MAGI2: variants seen among roughly 807,000 people sequenced by gnomAD.
MAGI2 encodes membrane associated guanylate kinase, WW and PDZ domain containing 2.
In MAGI2, 35 loss-of-function variants were observed where a neutral mutation model predicts 133.3. The observed-to-expected ratio is 0.26, with a 90% CI of 0.20 to 0.35. MAGI2 has a LOEUF of 0.35. Among genes scored for constraint, MAGI2 ranks in the 10% least tolerant of loss-of-function variants. The pLI is 1.00. For synonymous variants in MAGI2, 729 were observed against 710.6 expected (o/e 1.03, Z -0.41); for missense variants, 1,636 against 1,863.4 (o/e 0.88, Z 2.25).
At chr7:78,537,170 TAC>T (rs3086437) in intron 3 of MAGI2, among the ~76,000 whole-genome samples, 21,154 of 146,098 alleles carry the variant, frequency 0.14, 1,609 homozygotes, top group South Asian at 0.23. Context: ...AGTATTCCAC[TAC>T]ACACACACAC....
chr7:78,470,908 A>T (rs1000419743), intron 6 of MAGI2, among the ~76,000 whole-genome samples: 1 of 152,162 alleles, frequency 6.6e-6, no homozygotes, highest in Non-Finnish European at 1.5e-5. Context: ...GGATATGTGA[A>T]ATTAACATAA....
intron 21 of MAGI2, among the ~76,000 whole-genome samples, chr7:78,036,197 T>C (rs1222352114): frequency 2.0e-5 from 3 of 152,154 alleles, no homozygotes; most frequent in Non-Finnish European, 4.4e-5. Context: ...TAGGAAAGAA[T>C]TGAAATCTAG....
chr7:78,572,584 C>G (rs1801614174), intron 3 of MAGI2, among the ~76,000 whole-genome samples: 1 of 152,104 alleles, frequency 6.6e-6, no homozygotes, highest in Non-Finnish European at 1.5e-5. Context: ...ATTCCCTTAC[C>G]TACCCCCCAG....
At chr7:79,063,944 G>C (rs1310218566) in intron 1 of MAGI2, among the ~76,000 whole-genome samples, 1 of 152,018 alleles carries the variant, frequency 6.6e-6, no homozygotes, top group Non-Finnish European at 1.5e-5. Flanking sequence ...CTTAATTTTT[G>C]AATTGAGTTC....
chr7:78,952,549 C>A (rs1196536719), intron 2 of MAGI2, among the ~76,000 whole-genome samples: 1 of 152,080 alleles, frequency 6.6e-6, no homozygotes, highest in Non-Finnish European at 1.5e-5. Context: ...AACAAATGTT[C>A]CTATTTTCTT....
rs139735190 is a variant in MAGI2, at chr7:78,792,868, A to T, written c.419-165629T>A. Among the ~76,000 whole-genome samples, 11 of 152,352 alleles carry T rather than the reference A, an allele frequency of 7.2e-5. No individual in the cohort carries two copies. The East Asian group carries it at 2.1e-3, about 29-fold the overall frequency. On this transcript the variant is annotated intron_variant, in intron 2 of 21. Coordinates refer to ENST00000354212, the MANE Select transcript of MAGI2 (RefSeq NM_012301.4). ...TCTCGGCATGCAGTGTGCTGTTTAC[A>T]TTCTTACTAAGAAAATGTGCCTGAG...
chr7:78,503,408 T>TC (rs1365936748), intron 4 of MAGI2, among the ~76,000 whole-genome samples: 1 of 151,948 alleles, frequency 6.6e-6, no homozygotes, highest in East Asian at 1.9e-4. Flanking sequence ...TGAATTGTAA[T>TC]CCCCACATGT....
chr7:78,382,192 G>GT (rs60985733), intron 6 of MAGI2, among the ~76,000 whole-genome samples: 2 of 151,666 alleles, frequency 1.3e-5, no homozygotes, highest in East Asian at 1.9e-4. Context: ...TCAAATGTTC[G>GT]TTTTTTTTAA....
intron 6 of MAGI2, among the ~76,000 whole-genome samples, chr7:78,379,800 C>CA (rs1257525852): frequency 6.6e-6 from 1 of 151,810 alleles, no homozygotes; most frequent in South Asian, 2.1e-4. Context: ...TGTTAGATTA[C>CA]AAAAAATTCT....
intron 6 of MAGI2, among the ~76,000 whole-genome samples, chr7:78,483,146 T>G (rs1020380824): frequency 1.3e-5 from 2 of 151,826 alleles, no homozygotes; most frequent in Non-Finnish European, 2.9e-5. Context: ...GTCTAAAACC[T>G]TCCTGTAAAT....
chr7:78,756,151 A>T (rs992192058), intron 2 of MAGI2, among the ~76,000 whole-genome samples: 4 of 152,124 alleles, frequency 2.6e-5, no homozygotes, highest in African/African-American at 9.7e-5. Flanking sequence ...ATAATGGAGG[A>T]TGTGAGAAGC....
chr7:78,167,187 T>G (rs751467998), intron 15 of MAGI2, among the ~76,000 whole-genome samples: 7 of 152,142 alleles, frequency 4.6e-5, no homozygotes, highest in Non-Finnish European at 1.0e-4. Context: ...TGTTATTGAA[T>G]GCTCAGATTC....
intron 6 of MAGI2, among the ~76,000 whole-genome samples, chr7:78,403,269 C>T (rs1463432463): frequency 2.0e-5 from 3 of 151,952 alleles, no homozygotes; most frequent in East Asian, 1.9e-4. Context: ...TCTGTCCTTG[C>T]GATACTTTGC....
chr7:79,094,786 T>C (rs978701574), intron 1 of MAGI2, among the ~76,000 whole-genome samples: 1 of 152,236 alleles, frequency 6.6e-6, no homozygotes, highest in Non-Finnish European at 1.5e-5. Context: ...GGAATCTTTT[T>C]CTGAACAGTG....
Position 79,185,216 on chromosome 7 carries a change from G to T in MAGI2, c.302-178010C>A, listed in dbSNP as rs546946008. ...AATTTCAGAAAGAAAAGGATCTGAAGGAAAAATAATCCAAACTCCATTGGT... is the reference window on the plus strand; with the variant it reads ...AATTTCAGAAAGAAAAGGATCTGAATGAAAAATAATCCAAACTCCATTGGT... On this transcript the variant is annotated intron_variant, in intron 1 of 21. Coordinates refer to ENST00000354212, the MANE Select transcript of MAGI2 (RefSeq NM_012301.4). 9.3e-4 allele frequency among the ~76,000 whole-genome samples: 141 copies of T among 151,882 alleles called. 3 individuals are homozygous for T. Among genetic ancestry groups the T allele is most frequent in the African/African-American group, 3.2e-3 (134 of 41,390 alleles).
At chr7:78,238,715 C>T (rs11771795) in intron 10 of MAGI2, among the ~76,000 whole-genome samples, 44,070 of 151,618 alleles carry the variant, frequency 0.29, 7,404 homozygotes, top group Non-Finnish European at 0.37. Flanking sequence ...GCTTGCCTGC[C>T]TGCCTGTTTC....
chr7:78,174,804 T>C (rs1303198563), intron 14 of MAGI2, among the ~76,000 whole-genome samples: 1 of 152,164 alleles, frequency 6.6e-6, no homozygotes, highest in Admixed American at 6.5e-5. Context: ...GCCTGGCCTC[T>C]GAGGAAGAAA....
intron 5 of MAGI2, among the ~76,000 whole-genome samples, chr7:78,497,591 GCATAAAAAAAGA>G (rs946651624): frequency 2.6e-5 from 4 of 151,972 alleles, no homozygotes; most frequent in Non-Finnish European, 2.9e-5. Flanking sequence ...AAACATTATT[GCATAAAAAAAGA>G]CAAGTAAATG....
chr7:78,730,927 A>G (rs1239287573), intron 2 of MAGI2, among the ~76,000 whole-genome samples: 1 of 152,086 alleles, frequency 6.6e-6, no homozygotes, highest in African/African-American at 2.4e-5. Context: ...GTTGAAAACA[A>G]CCTTAAAAAT....
Sources: gnomAD v4.1 joint callset for allele counts (sites outside exome capture counted in the v4.1 genomes callset) on GRCh38, gnomAD v4.1.1 for gene constraint, MANE v1.5 for transcripts, NCBI Gene and HGNC (gene_info 2026-07-23, HGNC 2026-07-21) for gene names.